The following HIKESHI variants were observed in gnomAD, a reference collection of about 807,000 sequenced individuals.
HIKESHI encodes protein Hikeshi.
In HIKESHI, 13 loss-of-function variants were observed where a neutral mutation model predicts 25.7. The ratio of observed to expected loss-of-function variants is 0.51; its 90% CI spans 0.33 to 0.80. HIKESHI has a LOEUF of 0.80. Among genes scored for constraint, HIKESHI ranks in the 30% least tolerant of loss-of-function variants. HIKESHI has a pLI of 0.02. For missense variants in HIKESHI, 174 were observed against 229.5 expected (o/e 0.76, Z 1.56); for synonymous variants, 76 against 78.7 (o/e 0.97, Z 0.18).
chr11:86,312,371 T>G (rs1946857025), intron 2 of HIKESHI, among the ~76,000 whole-genome samples: 1 of 152,204 alleles, frequency 6.6e-6, no homozygotes, highest in Non-Finnish European at 1.5e-5. Context: ...TATCAGAGAC[T>G]AGGATTGCAA....
intron 2 of HIKESHI, among the ~76,000 whole-genome samples, chr11:86,311,784 A>C (rs1343583505): frequency 6.6e-6 from 1 of 152,176 alleles, no homozygotes; most frequent in Non-Finnish European, 1.5e-5. Context: ...GGTTTCAAAG[A>C]ACATCTTTAT....
intron 2 of HIKESHI, among the ~76,000 whole-genome samples, chr11:86,322,282 C>T (rs369304012): frequency 4.5e-4 from 68 of 152,208 alleles, no homozygotes; most frequent in Admixed American, 2.6e-3. Flanking sequence ...CCACCATGCC[C>T]GGCCTCCGAG....
At chr11:86,333,951 CAA>C (rs35600725) in intron 2 of HIKESHI, among the ~76,000 whole-genome samples, 19,488 of 151,648 alleles carry the variant, frequency 0.13, 1,545 homozygotes, top group East Asian at 0.37. Context: ...ATGTAGATGC[CAA>C]AAAAAGAACA....
chr11:86,342,579 G>A (rs1271124874), intron 3 of HIKESHI, among the ~76,000 whole-genome samples: 1 of 151,674 alleles, frequency 6.6e-6, no homozygotes, highest in African/African-American at 2.4e-5. Context: ...GCCTCAAGCA[G>A]AGCCTAAGAT....
Position 86,345,855 on chromosome 11 carries a change from C to G in HIKESHI, c.*217C>G, listed in dbSNP as rs1200222511. On this transcript the variant is annotated 3_prime_UTR_variant, in exon 5 of 5. Coordinates refer to ENST00000278483, the MANE Select transcript of HIKESHI (RefSeq NM_016401.4). ...CTTTTTTCCCCTTAAGCTTAAAATA[C>G]CATTCAAAGGCAAGACATTTTGTTT... is the stretch of plus-strand genomic sequence containing the variant. 3.1e-6 allele frequency: 1 copy of G among 319,578 alleles called. No individual in the cohort carries two copies. The highest frequency in any genetic ancestry group is 5.6e-6 in the Non-Finnish European group (1 of 177,916). The allele number at this position is 319,578 out of a possible 1,614,324, so 19.8% of individuals were successfully genotyped here. A position where few individuals can be genotyped will look rare whatever the true frequency, so the allele number is the denominator to read the frequency against.
chr11:86,306,146 A>C, intron 1 of HIKESHI, 99 bp from the exon 2 acceptor site: 1 of 771,444 alleles, frequency 1.3e-6, no homozygotes, highest in South Asian at 1.8e-5. Flanking sequence ...TAGAAAGACT[A>C]TAATGGATTA....
intron 1 of HIKESHI, among the ~76,000 whole-genome samples, chr11:86,304,757 CA>C (rs1946577276): frequency 6.6e-6 from 1 of 152,170 alleles, no homozygotes; most frequent in Non-Finnish European, 1.5e-5. Context: ...CTCAGGTGAT[CA>C]ACCCGCCTTG....
chr11:86,321,127 G>A (rs888852311), intron 2 of HIKESHI, among the ~76,000 whole-genome samples: 2 of 152,014 alleles, frequency 1.3e-5, no homozygotes, highest in East Asian at 1.9e-4. Context: ...TAGAGACGAG[G>A]TTTCACCATG....
At chr11:86,339,995 G>A (rs960558427) in intron 3 of HIKESHI, among the ~76,000 whole-genome samples, 1 of 150,886 alleles carries the variant, frequency 6.6e-6, no homozygotes, top group Non-Finnish European at 1.5e-5. Flanking sequence ...GTGAGGACAT[G>A]CGGTGTTTGG....
intron 3 of HIKESHI, chr11:86,344,032 G>T (rs575988799): frequency 6.6e-6 from 1 of 152,304 alleles, no homozygotes; most frequent in South Asian, 2.1e-4. Context: ...AGAGGAAATG[G>T]AATAGTGCTG....
chr11:86,320,674 T>TC (rs1947123411), intron 2 of HIKESHI, among the ~76,000 whole-genome samples: 1 of 152,236 alleles, frequency 6.6e-6, no homozygotes, highest in African/African-American at 2.4e-5. Context: ...ATTTGAAGTG[T>TC]ACAGTTTGAT....
At chr11:86,303,445 G>A (rs1195597020) in intron 1 of HIKESHI, 2 of 977,328 alleles carry the variant, frequency 2.0e-6, no homozygotes, top group Non-Finnish European at 1.2e-6. Context: ...GGTGATGGTG[G>A]TAATTCATAA....
intron 2 of HIKESHI, among the ~76,000 whole-genome samples, chr11:86,316,627 A>G (rs1946986012): frequency 6.6e-6 from 1 of 152,176 alleles, no homozygotes; most frequent in Non-Finnish European, 1.5e-5. Context: ...CAGTTGTATA[A>G]ATCAGTTTAT....
intron 3 of HIKESHI, among the ~76,000 whole-genome samples, chr11:86,342,571 C>G (rs1307194304): frequency 6.6e-6 from 1 of 151,364 alleles, no homozygotes; most frequent in Non-Finnish European, 1.5e-5. Flanking sequence ...AACTCCTGGC[C>G]TCAAGCAGAG....
At chr11:86,309,362 G>A (rs1386277216) in intron 2 of HIKESHI, among the ~76,000 whole-genome samples, 2 of 152,142 alleles carry the variant, frequency 1.3e-5, no homozygotes, top group East Asian at 3.8e-4. Flanking sequence ...CTACATACAT[G>A]TCTTCTTTTG....
chr11:86,316,489 G>A lies in HIKESHI; in HGVS notation c.268+10007G>A, dbSNP rs562665705. ...ACCCCACCACGGCACTCCAGCCTGG[G>A]CGACAGAGTGAGACTCCATCTTCAA... On this transcript the variant is annotated intron_variant, in intron 2 of 4. Coordinates refer to ENST00000278483, the MANE Select transcript of HIKESHI (RefSeq NM_016401.4). Among the ~76,000 whole-genome samples the A allele has an allele frequency of 1.4e-3, 212 of 152,172 alleles. 2 individuals are homozygous for A. Among genetic ancestry groups the A allele is most frequent in the African/African-American group, 3.7e-3 (153 of 41,510 alleles).
chr11:86,325,849 G>A (rs1947267032), intron 2 of HIKESHI, among the ~76,000 whole-genome samples: 1 of 149,774 alleles, frequency 6.7e-6, no homozygotes. Flanking sequence ...TCCAGCCTGG[G>A]CAACAGACCG....
At chr11:86,316,117 A>T (rs1228905999) in intron 2 of HIKESHI, among the ~76,000 whole-genome samples, 1 of 16,540 alleles carries the variant, frequency 6.0e-5, no homozygotes, top group Non-Finnish European at 1.0e-4. Context: ...GTCTCCATTA[A>T]AAAAAAAAAA....
At chr11:86,320,404 C>A (rs1041082223) in intron 2 of HIKESHI, among the ~76,000 whole-genome samples, 1 of 152,030 alleles carries the variant, frequency 6.6e-6, no homozygotes, top group Non-Finnish European at 1.5e-5. Flanking sequence ...GTGGTGAAAC[C>A]CTGTCTACTA....
Sources: gnomAD v4.1 joint callset for allele counts (sites outside exome capture counted in the v4.1 genomes callset) on GRCh38, gnomAD v4.1.1 for gene constraint, MANE v1.5 for transcripts, NCBI Gene and HGNC (gene_info 2026-07-23, HGNC 2026-07-21) for gene names.